The following CNTN4 variants were observed in gnomAD, a reference collection of about 807,000 sequenced individuals.
The protein encoded by CNTN4 is contactin-4.
In CNTN4, 77 loss-of-function variants were observed where a neutral mutation model predicts 122.5. That is an observed-to-expected ratio of 0.63 (90% CI 0.52 to 0.76). The LOEUF is 0.76. CNTN4 is among the 30% of genes least tolerant of loss of function. The pLI, the probability that CNTN4 is intolerant of heterozygous loss-of-function variation, is 0.00. For missense variants in CNTN4, 1,256 were observed against 1,259.1 expected (o/e 1.00, Z 0.04); for synonymous variants, 512 against 447.0 (o/e 1.15, Z -1.83).
At position 2,510,498 on chromosome 3, in the gene CNTN4, G is replaced by T. The variant is rs1077813; in HGVS notation, c.-88-60918G>T. Among the ~76,000 whole-genome samples the T allele has an allele frequency of 9.2e-3, 1,400 of 152,122 alleles. 25 individuals are homozygous for T. Among genetic ancestry groups the T allele is most frequent in the African/African-American group, 0.032 (1,336 of 41,492 alleles). ...GCTCCTTAACTACTGGCTGCTTTGC[G>T]TGTGGTGGACTTTAAATGATCACAC... On this transcript the variant is annotated intron_variant, in intron 3 of 24. Coordinates refer to ENST00000418658, the MANE Select transcript of CNTN4 (RefSeq NM_175607.3).
At chr3:2,415,447 G>A (rs925100948) in intron 3 of CNTN4, among the ~76,000 whole-genome samples, 9 of 152,154 alleles carry the variant, frequency 5.9e-5, no homozygotes, top group African/African-American at 2.2e-4. Context: ...GTTTCACTTG[G>A]CTTAACCAGG....
intron 19 of CNTN4, 34 bp downstream of exon 19, chr3:3,039,037 G>A (rs368006049): frequency 1.1e-4 from 162 of 1,523,778 alleles, no homozygotes; most frequent in Non-Finnish European, 1.3e-4. Flanking sequence ...GAACGTACAC[G>A]CATCGAAGCT....
intron 5 of CNTN4, among the ~76,000 whole-genome samples, chr3:2,743,845 C>A (rs2089602559): frequency 6.6e-6 from 1 of 152,138 alleles, no homozygotes; most frequent in South Asian, 2.1e-4. Context: ...CGCTCTGTTG[C>A]CCAAGCTGGA....
At chr3:2,685,674 T>C (rs920326255) in intron 4 of CNTN4, among the ~76,000 whole-genome samples, 1 of 152,184 alleles carries the variant, frequency 6.6e-6, no homozygotes, top group African/African-American at 2.4e-5. Flanking sequence ...GGATTTTTCT[T>C]TTTCTTAGTG....
intron 13 of CNTN4, among the ~76,000 whole-genome samples, chr3:2,983,120 A>G (rs1187097833): frequency 2.1e-5 from 3 of 142,506 alleles, no homozygotes; most frequent in Non-Finnish European, 3.0e-5. Flanking sequence ...AGGCTGAGAC[A>G]GGAGAATGGT....
intron 13 of CNTN4, among the ~76,000 whole-genome samples, chr3:2,971,218 G>T (rs1460741834): frequency 6.6e-6 from 1 of 152,216 alleles, no homozygotes; most frequent in Non-Finnish European, 1.5e-5. Flanking sequence ...TCTTCAAGTT[G>T]AGTAGGCTGA....
intron 3 of CNTN4, among the ~76,000 whole-genome samples, chr3:2,376,633 AT>A (rs1215866322): frequency 1.4e-5 from 2 of 146,500 alleles, no homozygotes; most frequent in African/African-American, 5.1e-5. Flanking sequence ...CCAGTTCTCA[AT>A]TTTCATGTTC....
chr3:2,112,581 C>G (rs1274635179), intron 2 of CNTN4, among the ~76,000 whole-genome samples: 2 of 152,072 alleles, frequency 1.3e-5, no homozygotes, highest in African/African-American at 2.4e-5. Flanking sequence ...GAATGTTTCT[C>G]TATTTCATCT....
chr3:2,246,332 A>T (rs2040146990), intron 2 of CNTN4, among the ~76,000 whole-genome samples: 1 of 152,026 alleles, frequency 6.6e-6, no homozygotes, highest in African/African-American at 2.4e-5. Flanking sequence ...TGGGCTAGCA[A>T]TTGTGGGGAT....
At chr3:2,113,254 A>G (rs1001745851) in intron 2 of CNTN4, among the ~76,000 whole-genome samples, 3 of 152,162 alleles carry the variant, frequency 2.0e-5, no homozygotes, top group Non-Finnish European at 4.4e-5. Context: ...TTTGATATTG[A>G]TCTTTGATGT....
In CNTN4 at chr3:3,030,896, G is replaced by A. The variant is rs756630312; in HGVS notation, c.1704G>A (p.Leu568=). ...AGDLMIRNIQ[L]KHAGKYVCMV... ...ATTTGATGATCCGAAACATCCAACTGAAGCATGCTGGGAAATATGTCTGCA... is the reference window on the plus strand; with the variant it reads ...ATTTGATGATCCGAAACATCCAACTAAAGCATGCTGGGAAATATGTCTGCA... Residue 568 remains leucine, a synonymous_variant, in exon 16 of 25, where the codon CTG becomes CTA. Transcript: ENST00000418658. 18 of 1,613,940 alleles carry A rather than the reference G, an allele frequency of 1.1e-5. No individual in the cohort carries two copies. The highest frequency in any genetic ancestry group is 1.5e-5 in the Non-Finnish European group (18 of 1,179,924).
At chr3:2,238,598 T>C (rs1175226570) in intron 2 of CNTN4, among the ~76,000 whole-genome samples, 1 of 151,904 alleles carries the variant, frequency 6.6e-6, no homozygotes, top group East Asian at 1.9e-4. Context: ...TTTAAATATT[T>C]GGTGATTTTT....
At chr3:2,126,755 G>T (rs2034193886) in intron 2 of CNTN4, among the ~76,000 whole-genome samples, 1 of 152,106 alleles carries the variant, frequency 6.6e-6, no homozygotes, top group Non-Finnish European at 1.5e-5. Flanking sequence ...TACTTTAAAT[G>T]TGCTTTGGCC....
chr3:2,568,481 C>T (rs929551791), intron 3 of CNTN4, among the ~76,000 whole-genome samples: 4 of 152,136 alleles, frequency 2.6e-5, no homozygotes, highest in East Asian at 3.9e-4. Context: ...GTGCTGAGTA[C>T]ACTACCTTTG....
chr3:2,909,891 G>T (rs886453315), intron 12 of CNTN4, among the ~76,000 whole-genome samples: 3 of 152,154 alleles, frequency 2.0e-5, no homozygotes, highest in Non-Finnish European at 4.4e-5. Context: ...CACCGTTTGA[G>T]AACCACTATC....
intron 2 of CNTN4, among the ~76,000 whole-genome samples, chr3:2,298,735 A>T (rs937954865): frequency 1.3e-5 from 2 of 152,236 alleles, no homozygotes; most frequent in African/African-American, 2.4e-5. Flanking sequence ...ATTCCTGAAG[A>T]CTACAAGTGG....
At chr3:2,871,823 A>G (rs1026179235) in intron 8 of CNTN4, among the ~76,000 whole-genome samples, 7 of 152,170 alleles carry the variant, frequency 4.6e-5, no homozygotes, top group African/African-American at 1.4e-4. Flanking sequence ...TCAAATAACT[A>G]TATTACTTTG....
intron 13 of CNTN4, among the ~76,000 whole-genome samples, chr3:2,948,657 T>C (rs762941867): frequency 6.6e-6 from 1 of 152,218 alleles, no homozygotes; most frequent in Non-Finnish European, 1.5e-5. Context: ...AGCAAACTCA[T>C]TTGGTGGCAA....
intron 3 of CNTN4, among the ~76,000 whole-genome samples, chr3:2,384,334 C>G (rs773724520): frequency 4.6e-5 from 7 of 152,136 alleles, no homozygotes; most frequent in Non-Finnish European, 8.8e-5. Flanking sequence ...TTGCTTTAGT[C>G]TAGCCGTGGC....
Sources: allele counts gnomAD v4.1 joint callset (sites outside exome capture counted in the v4.1 genomes callset), GRCh38; gene constraint gnomAD v4.1.1; transcripts MANE v1.5; gene names NCBI Gene and HGNC (gene_info 2026-07-23, HGNC 2026-07-21).